The following CSMD1 variants were observed in gnomAD, a reference collection of about 807,000 sequenced individuals.
CSMD1 encodes CUB and sushi domain-containing protein 1.
CSMD1 carries 213 observed loss-of-function variants against 417.5 expected under a neutral mutation model. That is an observed-to-expected ratio of 0.51 (90% confidence interval 0.46 to 0.57). The LOEUF is 0.57. Among genes scored for constraint, CSMD1 ranks in the 20% least tolerant of loss-of-function variants. CSMD1 has a pLI of 0.00. For missense variants in CSMD1, 6,923 were observed against 4,529.7 expected (o/e 1.53, Z -15.17); for synonymous variants, 2,862 against 1,736.8 (o/e 1.65, Z -16.11).
At chr8:3,661,688 G>A (rs927074062) in intron 7 of CSMD1, among the ~76,000 whole-genome samples, 19 of 152,048 alleles carry the variant, frequency 1.2e-4, no homozygotes, top group African/African-American at 4.3e-4. Context: ...GTAGAGACGG[G>A]ATTTCACCAT....
At chr8:3,544,716 G>A (rs1048033445) in intron 10 of CSMD1, among the ~76,000 whole-genome samples, 6 of 152,090 alleles carry the variant, frequency 3.9e-5, no homozygotes, top group South Asian at 2.1e-4. Context: ...TTGACTAGAC[G>A]GGGTTCAGGG....
intron 2 of CSMD1, among the ~76,000 whole-genome samples, chr8:4,547,635 A>G (rs1048366355): frequency 6.6e-6 from 1 of 152,206 alleles, no homozygotes; most frequent in Non-Finnish European, 1.5e-5. Context: ...AAAGACTTAA[A>G]CATTATACTC....
intron 1 of CSMD1, among the ~76,000 whole-genome samples, chr8:4,879,237 TC>T (rs1803244523): frequency 6.6e-6 from 1 of 151,874 alleles, no homozygotes; most frequent in African/African-American, 2.4e-5. Flanking sequence ...GACAAGGACA[TC>T]AACTCGAGGA....
At chr8:4,788,055 T>G in intron 1 of CSMD1, 1 of 1,594,272 alleles carries the variant, frequency 6.3e-7, no homozygotes, top group Middle Eastern at 2.3e-4. Context: ...AAAGAAAAAC[T>G]TTGAGTGGGT....
At chr8:3,345,780 T>C (rs569265184) in intron 22 of CSMD1, among the ~76,000 whole-genome samples, 27 of 152,290 alleles carry the variant, frequency 1.8e-4, no homozygotes, top group Middle Eastern at 3.4e-3. Context: ...TTAGAAGACA[T>C]CACACAGAAT....
At chr8:4,971,234 G>A (rs1430413145) in intron 1 of CSMD1, among the ~76,000 whole-genome samples, 8 of 151,884 alleles carry the variant, frequency 5.3e-5, no homozygotes, top group African/African-American at 1.9e-4. Flanking sequence ...CCTTTAAGTT[G>A]ATAAAGTGGT....
At chr8:3,904,121 G>A (rs147864509) in intron 5 of CSMD1, among the ~76,000 whole-genome samples, 2 of 151,954 alleles carry the variant, frequency 1.3e-5, no homozygotes, top group East Asian at 1.9e-4. Context: ...GAAGTAATTC[G>A]GCCTTGTAAT....
At chr8:3,929,480 T>C (rs1379714236) in intron 5 of CSMD1, among the ~76,000 whole-genome samples, 1 of 150,354 alleles carries the variant, frequency 6.7e-6, no homozygotes, top group East Asian at 1.9e-4. Flanking sequence ...AGGTGCTGTC[T>C]CTGAAGGACT....
intron 1 of CSMD1, among the ~76,000 whole-genome samples, chr8:4,724,295 G>A (rs1484608681): frequency 6.6e-6 from 1 of 152,038 alleles, no homozygotes; most frequent in East Asian, 1.9e-4. Flanking sequence ...CAAATTGTGT[G>A]TAAACATAGG....
At chr8:3,196,979 A>G (rs1175910721) in intron 33 of CSMD1, among the ~76,000 whole-genome samples, 4 of 152,160 alleles carry the variant, frequency 2.6e-5, no homozygotes, top group African/African-American at 9.7e-5. Context: ...GCACCCCATG[A>G]TGTCACTCAC....
intron 26 of CSMD1, among the ~76,000 whole-genome samples, chr8:3,240,421 G>T (rs796185276): frequency 1.1e-5 from 1 of 87,782 alleles, no homozygotes; most frequent in African/African-American, 3.2e-5. Flanking sequence ...TGCCTAGGAA[G>T]GAAAGGAGTT....
In CSMD1 at chr8:2,937,372, T is replaced by G. The variant is rs1801550573; in HGVS notation, c.*1213A>C. ...TGATCCTGAACAATTTTCACTGAGT[T>G]CAAGGTGCTACTGTGGTATATTGTC... On this transcript the variant is annotated 3_prime_UTR_variant, in exon 70 of 70. Transcript: ENST00000635120. 6.7e-6 allele frequency: 1 copy of G among 149,056 alleles called. No homozygotes were observed. Among genetic ancestry groups the G allele is most frequent in the Admixed American group, 6.8e-5 (1 of 14,742 alleles). The allele number at this position is 149,056 out of a possible 1,614,324, so 9.2% of individuals were successfully genotyped here. A position where few individuals can be genotyped will look rare whatever the true frequency, so the allele number is the denominator to read the frequency against.
chr8:4,332,002 A>G (rs1298921314), intron 3 of CSMD1, among the ~76,000 whole-genome samples: 1 of 152,112 alleles, frequency 6.6e-6, no homozygotes, highest in Admixed American at 6.6e-5. Context: ...AATGCTGAGT[A>G]ATTTACTCAA....
chr8:4,410,939 T>C (rs1275583405), intron 3 of CSMD1, among the ~76,000 whole-genome samples: 3 of 152,208 alleles, frequency 2.0e-5, no homozygotes, highest in Admixed American at 2.0e-4. Flanking sequence ...ACTAGATTTG[T>C]TCTAGTGGGA....
At chr8:4,850,134 G>A (rs559504584) in intron 1 of CSMD1, among the ~76,000 whole-genome samples, 7 of 152,006 alleles carry the variant, frequency 4.6e-5, no homozygotes, top group Non-Finnish European at 8.8e-5. Flanking sequence ...GCCTAATAAC[G>A]TCAAAAATCT....
chr8:4,301,057 C>A (rs558350318), intron 3 of CSMD1, among the ~76,000 whole-genome samples: 1 of 152,102 alleles, frequency 6.6e-6, no homozygotes, highest in Admixed American at 6.6e-5. Context: ...TCAGAAGGAG[C>A]CAAATCAGGA....
At chr8:4,169,693 G>A (rs1563216800) in intron 3 of CSMD1, among the ~76,000 whole-genome samples, 1 of 152,068 alleles carries the variant, frequency 6.6e-6, no homozygotes, top group African/African-American at 2.4e-5. Context: ...ATGGCTCCCT[G>A]CCCTGTGCAT....
chr8:4,528,878 G>A (rs888950104), intron 2 of CSMD1, among the ~76,000 whole-genome samples: 1 of 152,024 alleles, frequency 6.6e-6, no homozygotes, highest in Admixed American at 6.5e-5. Flanking sequence ...TACTAAAAAT[G>A]TCTTAAGCTT....
chr8:4,462,389 G>T (rs910590529), intron 2 of CSMD1, among the ~76,000 whole-genome samples: 4 of 152,008 alleles, frequency 2.6e-5, no homozygotes, highest in Non-Finnish European at 4.4e-5. Context: ...TGAATCAGAA[G>T]ACTTAATATA....
Sources: allele counts gnomAD v4.1 joint callset (sites outside exome capture counted in the v4.1 genomes callset), GRCh38; gene constraint gnomAD v4.1.1; transcripts MANE v1.5; gene names NCBI Gene and HGNC (gene_info 2026-07-23, HGNC 2026-07-21).